The following NSUN6 variants were observed in gnomAD, a reference collection of about 807,000 sequenced individuals.
The protein encoded by NSUN6 is tRNA (cytosine(72)-C(5))-methyltransferase NSUN6.
In NSUN6, 64 loss-of-function variants were observed where a neutral mutation model predicts 58.0. The ratio of observed to expected loss-of-function variants is 1.10; its 90% CI spans 0.90 to 1.36. The LOEUF (loss-of-function observed/expected upper bound fraction) is 1.36. Ranked by LOEUF, NSUN6 falls within the 40% of genes most tolerant of loss-of-function variation. The pLI is 0.00. For synonymous variants in NSUN6, 231 were observed against 193.9 expected (o/e 1.19, Z -1.59); for missense variants, 701 against 550.1 (o/e 1.27, Z -2.74).
chr10:18,550,022 T>A (rs1357799269), intron 9 of NSUN6, among the ~76,000 whole-genome samples: 1 of 152,188 alleles, frequency 6.6e-6, no homozygotes, highest in African/African-American at 2.4e-5. Flanking sequence ...ATGGCTCAAG[T>A]CAACAAGGCT....
intron 3 of NSUN6, among the ~76,000 whole-genome samples, chr10:18,627,956 G>A (rs1462337573): frequency 6.6e-6 from 1 of 152,232 alleles, no homozygotes; most frequent in African/African-American, 2.4e-5. Context: ...CTGGGGGCAG[G>A]GCACAGACAA....
At chr10:18,622,501 G>A (rs556581217) in intron 3 of NSUN6, among the ~76,000 whole-genome samples, 1 of 152,204 alleles carries the variant, frequency 6.6e-6, no homozygotes, top group South Asian at 2.1e-4. Context: ...ATTACCTGAG[G>A]TCAGGAGTTC....
intron 8 of NSUN6, among the ~76,000 whole-genome samples, chr10:18,571,084 G>C (rs1400152614): frequency 1.4e-5 from 2 of 140,620 alleles, no homozygotes; most frequent in East Asian, 2.2e-4. Context: ...TGCATTCCAT[G>C]CTCCATTCCA....
intron 3 of NSUN6, among the ~76,000 whole-genome samples, chr10:18,624,485 C>G (rs1263630612): frequency 6.6e-6 from 1 of 150,528 alleles, no homozygotes; most frequent in South Asian, 2.1e-4. Flanking sequence ...ACCATCCTGG[C>G]TAAAAAAATA....
At chr10:18,561,862 CTGGAATGGAGAATGGAA>C (rs1045619818) in intron 8 of NSUN6, among the ~76,000 whole-genome samples, 3 of 133,156 alleles carry the variant, frequency 2.3e-5, no homozygotes, top group African/African-American at 8.6e-5. Flanking sequence ...GTAATGCAGG[CTGGAATGGAGAATGGAA>C]TGGAATGGAG....
chr10:18,568,414 TTC>T (rs1252819791), intron 8 of NSUN6, among the ~76,000 whole-genome samples: 1 of 145,458 alleles, frequency 6.9e-6, no homozygotes, highest in Non-Finnish European at 1.5e-5. Flanking sequence ...TTCCATTCCA[TTC>T]TCCATTTCAT....
intron 8 of NSUN6, among the ~76,000 whole-genome samples, chr10:18,558,714 A>G (rs12570794): frequency 7.1e-5 from 10 of 140,872 alleles, no homozygotes; most frequent in East Asian, 2.4e-4. Flanking sequence ...ATGGAATTGA[A>G]AGTGGAATGA....
At chr10:18,595,952 TATTAA>T (rs1160694277) in intron 7 of NSUN6, among the ~76,000 whole-genome samples, 4 of 152,198 alleles carry the variant, frequency 2.6e-5, no homozygotes, top group South Asian at 2.1e-4. Context: ...AATCTAAATG[TATTAA>T]ATTTAATTTC....
rs540667334 is a variant in NSUN6, at chr10:18,584,311, G to C, written c.922+1638C>G. Among the ~76,000 whole-genome samples, 15 of 152,288 alleles carry C rather than the reference G, an allele frequency of 9.8e-5. No individual in the cohort carries two copies. The South Asian group carries it at 3.1e-3, about 32-fold the overall frequency. On this transcript the variant is annotated intron_variant, in intron 8 of 10. Transcript: ENST00000377304. ...TCACTTCCCCCCTTACCTTATAAAA[G>C]TTTCCGCTTTCTGCTCCAAAGGTGA... is the stretch of plus-strand genomic sequence containing the variant.
intron 7 of NSUN6, among the ~76,000 whole-genome samples, chr10:18,595,606 G>C (rs959216631): frequency 2.0e-5 from 3 of 152,226 alleles, no homozygotes; most frequent in South Asian, 2.1e-4. Context: ...TTGGGGCAAA[G>C]AAGAGTATAA....
chr10:18,572,047 T>C (rs934677501), intron 8 of NSUN6, among the ~76,000 whole-genome samples: 2 of 151,412 alleles, frequency 1.3e-5, no homozygotes, highest in Non-Finnish European at 2.9e-5. Flanking sequence ...TTCCTTTCCA[T>C]TCCATTTCCC....
intron 5 of NSUN6, 28 bp downstream of exon 5, chr10:18,614,432 G>C (rs767537144): frequency 8.2e-6 from 11 of 1,343,162 alleles, no homozygotes; most frequent in African/African-American, 1.5e-5. Context: ...AAAGGATGCT[G>C]ATTTCCCCAA....
At chr10:18,633,152 A>G (rs542852324) in intron 3 of NSUN6, among the ~76,000 whole-genome samples, 156 of 152,068 alleles carry the variant, frequency 1.0e-3, no homozygotes, top group Non-Finnish European at 1.9e-3. Flanking sequence ...AAACTATGGC[A>G]AGAACAAAAA....
intron 8 of NSUN6, among the ~76,000 whole-genome samples, chr10:18,581,698 C>T (rs561101855): frequency 5.3e-5 from 8 of 152,034 alleles, no homozygotes; most frequent in South Asian, 2.1e-4. Context: ...CGGTGGCATG[C>T]GCCTGTAGTC....
At chr10:18,613,972 T>C (rs1301166254) in intron 5 of NSUN6, among the ~76,000 whole-genome samples, 4 of 152,200 alleles carry the variant, frequency 2.6e-5, no homozygotes, top group Non-Finnish European at 5.9e-5. Context: ...TAGAACAGAC[T>C]ATATTTTAAT....
chr10:18,554,854 G>A (rs2054867419), intron 8 of NSUN6, among the ~76,000 whole-genome samples: 1 of 151,180 alleles, frequency 6.6e-6, no homozygotes, highest in African/African-American at 2.4e-5. Context: ...ATGGAATGGA[G>A]AATGGACTGG....
At chr10:18,609,767 T>G (rs1239800466) in intron 6 of NSUN6, 78 bp downstream of exon 6, 1 of 855,938 alleles carries the variant, frequency 1.2e-6, no homozygotes, top group East Asian at 2.7e-5. Context: ...TCTTAAATTT[T>G]AAAATATCCT....
chr10:18,592,605 A>T (rs2057418096), intron 7 of NSUN6, among the ~76,000 whole-genome samples: 1 of 152,218 alleles, frequency 6.6e-6, no homozygotes, highest in Admixed American at 6.5e-5. Flanking sequence ...TGACAAAAAC[A>T]AGCAATGGTG....
intron 8 of NSUN6, among the ~76,000 whole-genome samples, chr10:18,556,026 CTG>C (rs765987982): frequency 6.4e-5 from 9 of 141,114 alleles, no homozygotes; most frequent in Non-Finnish European, 1.2e-4. Context: ...GAAATGAAGA[CTG>C]GAATGGAGAA....
Sources: allele counts gnomAD v4.1 joint callset (sites outside exome capture counted in the v4.1 genomes callset), GRCh38; gene constraint gnomAD v4.1.1; transcripts MANE v1.5; gene names NCBI Gene and HGNC (gene_info 2026-07-23, HGNC 2026-07-21).